Variants in GPR39 observed in about 807,000 individuals in gnomAD.
GPR39 encodes the protein G protein-coupled receptor 39.
GPR39 carries 23 observed loss-of-function variants against 18.4 expected under a neutral mutation model. That is an observed-to-expected ratio of 1.25 (90% CI 0.90 to 1.77). The LOEUF (loss-of-function observed/expected upper bound fraction) is 1.77. GPR39 is among the 40% of genes most tolerant of loss of function. GPR39 has a pLI of 0.00. For synonymous variants in GPR39, 280 were observed against 257.9 expected (o/e 1.09, Z -0.82); for missense variants, 647 against 602.4 (o/e 1.07, Z -0.78).
Position 132,645,360 on chromosome 2 carries a change from G to C in GPR39, c.1116G>C (p.Lys372Asn), listed in dbSNP as rs777811895. 1 of 1,613,938 alleles carries C rather than the reference G, an allele frequency of 6.2e-7. No homozygotes were observed. Among genetic ancestry groups the C allele is most frequent in the Non-Finnish European group, 8.5e-7 (1 of 1,180,042 alleles). Residue 372 changes from lysine (K) to asparagine (N), a missense_variant, in exon 2 of 2, where the codon AAG (lysine) becomes AAC (asparagine). Around this residue, in one of 3 missense-constraint regions of GPR39, gnomAD observed 581 missense variants for 506.8 expected, o/e 1.15. Coordinates refer to ENST00000329321, the MANE Select transcript of GPR39 (RefSeq NM_001508.3). ...RLSLQHANHE[K>N]RLRVHAHSTT... ...CGCTGCAGCACGCCAACCACGAGAA[G>C]CGCCTGCGCGTACATGCGCACTCCA...
At chr2:132,508,708 C>T (rs766930813) in intron 1 of GPR39, among the ~76,000 whole-genome samples, 8 of 152,196 alleles carry the variant, frequency 5.3e-5, no homozygotes, top group Non-Finnish European at 7.3e-5. Context: ...CCACCATGGG[C>T]AATAAGCATA....
intron 1 of GPR39, among the ~76,000 whole-genome samples, chr2:132,443,698 A>T (rs759917823): frequency 6.6e-6 from 1 of 152,230 alleles, no homozygotes; most frequent in Non-Finnish European, 1.5e-5. Context: ...CCAGACATGT[A>T]CAATGATTAG....
intron 1 of GPR39, among the ~76,000 whole-genome samples, chr2:132,609,136 T>A (rs1236600452): frequency 1.3e-5 from 2 of 152,110 alleles, no homozygotes; most frequent in Non-Finnish European, 2.9e-5. Context: ...AGATAATAGA[T>A]TGTAGGTACG....
intron 1 of GPR39, among the ~76,000 whole-genome samples, chr2:132,538,572 T>G (rs1679802581): frequency 6.6e-6 from 1 of 152,224 alleles, no homozygotes; most frequent in African/African-American, 2.4e-5. Flanking sequence ...AGAGCTAATG[T>G]GCTGTGCTGG....
chr2:132,639,478 G>C (rs1393737569), intron 1 of GPR39, among the ~76,000 whole-genome samples: 4 of 152,178 alleles, frequency 2.6e-5, no homozygotes, highest in Non-Finnish European at 4.4e-5. Context: ...ACAGTAAGTA[G>C]AAAAGCTAAT....
At chr2:132,501,054 GTTTT>G (rs55720929) in intron 1 of GPR39, among the ~76,000 whole-genome samples, 1,134 of 90,320 alleles carry the variant, frequency 0.013, 13 homozygotes, top group African/African-American at 0.042. Context: ...TATCTTTTGT[GTTTT>G]TTTTTTTTTT....
At chr2:132,431,633 A>T (rs1680225041) in intron 1 of GPR39, among the ~76,000 whole-genome samples, 1 of 152,010 alleles carries the variant, frequency 6.6e-6, no homozygotes. Context: ...GTTTTTTTGA[A>T]CGAGAGTCAC....
At chr2:132,543,385 C>G (rs1489830023) in intron 1 of GPR39, among the ~76,000 whole-genome samples, 1 of 152,130 alleles carries the variant, frequency 6.6e-6, no homozygotes, top group Non-Finnish European at 1.5e-5. Flanking sequence ...TAGGCAAGTC[C>G]CCTATGCAAG....
chr2:132,430,153 G>A (rs1165075624), intron 1 of GPR39, among the ~76,000 whole-genome samples: 2 of 152,198 alleles, frequency 1.3e-5, no homozygotes, highest in Non-Finnish European at 2.9e-5. Flanking sequence ...TTCTGATGAC[G>A]GTTTGTGGTT....
chr2:132,583,729 C>T lies in GPR39; in HGVS notation c.857-61372C>T, dbSNP rs1030897443. Reference sequence around the variant, plus strand: ...CTCAGGAAGATTTGGTGGCTGGAGGCGACTTGGCCTCTGAGGGCTAGAATC... The same window carrying T: ...CTCAGGAAGATTTGGTGGCTGGAGGTGACTTGGCCTCTGAGGGCTAGAATC... On this transcript the variant is annotated intron_variant, in intron 1 of 1. Coordinates refer to ENST00000329321, the MANE Select transcript of GPR39 (RefSeq NM_001508.3). Among the ~76,000 whole-genome samples, 21 of 151,264 alleles carry T rather than the reference C, an allele frequency of 1.4e-4. No homozygotes were observed. In the East Asian group the frequency reaches 2.0e-3, roughly 14 times the overall value.
intron 1 of GPR39, among the ~76,000 whole-genome samples, chr2:132,541,534 C>G (rs1270249546): frequency 6.6e-6 from 1 of 152,230 alleles, no homozygotes; most frequent in Non-Finnish European, 1.5e-5. Flanking sequence ...TCTCCTTCCT[C>G]ATTGACAACT....
intron 1 of GPR39, among the ~76,000 whole-genome samples, chr2:132,571,242 C>G (rs1232226971): frequency 7.2e-5 from 11 of 152,180 alleles, no homozygotes; most frequent in Admixed American, 7.2e-4. Flanking sequence ...TGATTTGGAT[C>G]TATCCTAAGA....
chr2:132,527,230 G>A (rs953238377), intron 1 of GPR39, among the ~76,000 whole-genome samples: 1 of 152,118 alleles, frequency 6.6e-6, no homozygotes, highest in African/African-American at 2.4e-5. Context: ...TGAGGATGAT[G>A]GCTTCCAGCT....
chr2:132,605,481 T>C (rs1431057431), intron 1 of GPR39, among the ~76,000 whole-genome samples: 1 of 152,124 alleles, frequency 6.6e-6, no homozygotes, highest in African/African-American at 2.4e-5. Context: ...GCATCCCTGC[T>C]CTCCAGAAAG....
In GPR39 at chr2:132,446,682, A is replaced by G. The variant is rs543281976; in HGVS notation, c.856+28784A>G. Among the ~76,000 whole-genome samples, 210 of 152,260 alleles carry G rather than the reference A, an allele frequency of 1.4e-3. 3 individuals carry two copies. The highest frequency in any genetic ancestry group is 5.0e-3 in the African/African-American group (207 of 41,560). On this transcript the variant is annotated intron_variant, in intron 1 of 1. Transcript: ENST00000329321. Reference sequence around the variant, plus strand: ...ATGAGGAAGTGGAAATGAAGGTGGGATAGGGGCAGCAAAGGAGTATGGGAG... The same window carrying G: ...ATGAGGAAGTGGAAATGAAGGTGGGGTAGGGGCAGCAAAGGAGTATGGGAG...
chr2:132,475,865 A>C (rs890998561), intron 1 of GPR39, among the ~76,000 whole-genome samples: 1 of 152,104 alleles, frequency 6.6e-6, no homozygotes. Context: ...ACAAATAGCC[A>C]TTTCACACTC....
At chr2:132,439,926 C>T (rs111317668) in intron 1 of GPR39, among the ~76,000 whole-genome samples, 1,672 of 152,276 alleles carry the variant, frequency 0.011, 30 homozygotes, top group African/African-American at 0.038. Context: ...TCCTATGGGG[C>T]TGCTCCAGGC....
chr2:132,618,848 G>T (rs147701031), intron 1 of GPR39, among the ~76,000 whole-genome samples: 1 of 152,242 alleles, frequency 6.6e-6, no homozygotes, highest in Non-Finnish European at 1.5e-5. Flanking sequence ...AACTGAGGGC[G>T]TTTAGAAGAT....
At chr2:132,583,053 A>T (rs1026467067) in intron 1 of GPR39, among the ~76,000 whole-genome samples, 4 of 151,522 alleles carry the variant, frequency 2.6e-5, no homozygotes, top group Non-Finnish European at 5.9e-5. Context: ...ACCTGCCACC[A>T]TACCCAGCTA....
Sources: allele counts gnomAD v4.1 joint callset (sites outside exome capture counted in the v4.1 genomes callset), GRCh38; gene constraint gnomAD v4.1.1; regional missense constraint gnomAD v4.1.1; transcripts MANE v1.5; gene names NCBI Gene and HGNC (gene_info 2026-07-23, HGNC 2026-07-21).